CRACDL: variants seen among roughly 807,000 people sequenced by gnomAD.
CRACDL encodes CRACD-like protein.
Under a neutral mutation model 70.6 loss-of-function variants are expected in CRACDL, and 26 were observed. The ratio of observed to expected loss-of-function variants is 0.37; its 90% CI spans 0.27 to 0.51. CRACDL has a LOEUF of 0.51. Ranked by LOEUF, CRACDL falls within the 20% of genes least tolerant of loss-of-function variation. The pLI, the probability that CRACDL is intolerant of heterozygous loss-of-function variation, is 0.94. For synonymous variants in CRACDL, 618 were observed against 615.2 expected, an observed-to-expected ratio of 1.00 and a Z score of -0.07; for missense variants, 1,283 against 1,376.9, an observed-to-expected ratio of 0.93 and a Z score of 1.08.
At chr2:98,807,946 G>C (rs555206321) in intron 7 of CRACDL, among the ~76,000 whole-genome samples, 62 of 152,278 alleles carry the variant, frequency 4.1e-4, no homozygotes, top group Non-Finnish European at 7.9e-4. Context: ...TGACAGCCCT[G>C]AAACAGTGCT....
At chr2:98,868,078 T>A (rs1394075387) in intron 1 of CRACDL, among the ~76,000 whole-genome samples, 1 of 152,238 alleles carries the variant, frequency 6.6e-6, no homozygotes, top group African/African-American at 2.4e-5. Context: ...GTTTCATTCT[T>A]AGTAAAAAGA....
In CRACDL at chr2:98,822,943, G is replaced by C; in HGVS notation, c.1330C>G (p.Pro444Ala). The C allele has an allele frequency of 1.4e-6, 2 of 1,460,922 alleles. No individual in the cohort carries two copies. Among genetic ancestry groups the C allele is most frequent in the Non-Finnish European group, 1.8e-6 (2 of 1,111,982 alleles). 90.5% of individuals were successfully genotyped at this position (1,460,922 alleles called of 1,614,324 possible). The change falls in exon 7 of 10, where the codon CCC becomes GCC. Residue 444 changes from proline (P) to alanine (A), a missense_variant. By Grantham distance (27) the Pro-to-Ala change is conservative. Transcript: ENST00000397899. This position sits in a 1 kb window ranked among gnomAD's most constrained non-coding sequence, Gnocchi z 4.9. ...SVPKEAEPTP[P>A]VLPDEEKGPP... is the part of the protein sequence containing the mutation. Reference sequence around the variant, plus strand: ...CCCTTCTCCTCATCCGGGAGCACGGGCGGCGTCGGCTCCGCTTCCTTCGGG... The same window carrying C: ...CCCTTCTCCTCATCCGGGAGCACGGCCGGCGTCGGCTCCGCTTCCTTCGGG...
chr2:98,881,229 C>T (rs1558620633), intron 1 of CRACDL, among the ~76,000 whole-genome samples: 1 of 152,210 alleles, frequency 6.6e-6, no homozygotes, highest in Non-Finnish European at 1.5e-5. Context: ...TCAGAAGCCT[C>T]ACGGAGGGAA....
chr2:98,890,536 G>A (rs1469668868), intron 1 of CRACDL, among the ~76,000 whole-genome samples: 1 of 152,232 alleles, frequency 6.6e-6, no homozygotes, highest in Non-Finnish European at 1.5e-5. Context: ...CAAGGCTCAG[G>A]TGGCTTCTAC....
intron 1 of CRACDL, among the ~76,000 whole-genome samples, chr2:98,871,877 A>G (rs1707357952): frequency 6.6e-6 from 1 of 152,246 alleles, no homozygotes; most frequent in African/African-American, 2.4e-5. Flanking sequence ...CAGCTATGAC[A>G]GACTGCTAAG....
In CRACDL at chr2:98,890,481, G is replaced by C. The variant is rs551564467; in HGVS notation, c.-10-43671C>G. Among the ~76,000 whole-genome samples, 4 of 152,246 alleles carry C rather than the reference G, an allele frequency of 2.6e-5. No individual in the cohort carries two copies. The South Asian group carries it at 8.3e-4, about 32-fold the overall frequency. Reference sequence around the variant, plus strand: ...AAATTATGAATGGACCAAAACAACCGAAGAGATTGAATTAAGACTTTTAAA... The same window carrying C: ...AAATTATGAATGGACCAAAACAACCCAAGAGATTGAATTAAGACTTTTAAA... On this transcript the variant is annotated intron_variant, in intron 1 of 9. Coordinates refer to ENST00000397899, the MANE Select transcript of CRACDL (RefSeq NM_207362.3).
intron 1 of CRACDL, among the ~76,000 whole-genome samples, chr2:98,916,153 T>A (rs1708660336): frequency 6.6e-6 from 1 of 152,210 alleles, no homozygotes; most frequent in South Asian, 2.1e-4. Context: ...GCCCACACAA[T>A]GTAATACTTC....
At chr2:98,915,406 G>A (rs1324187697) in intron 1 of CRACDL, among the ~76,000 whole-genome samples, 1 of 152,232 alleles carries the variant, frequency 6.6e-6, no homozygotes, top group Non-Finnish European at 1.5e-5. Flanking sequence ...GTGGGGCAAG[G>A]CACAGGGCAG....
intron 7 of CRACDL, among the ~76,000 whole-genome samples, chr2:98,818,433 G>C (rs1329220199): frequency 6.6e-6 from 1 of 152,126 alleles, no homozygotes; most frequent in Admixed American, 6.5e-5. Flanking sequence ...CAGGTGCTGG[G>C]GACAAAGCAG....
chr2:98,821,922 G>C lies in CRACDL; in HGVS notation c.2351C>G (p.Pro784Arg). ...CTCCTTCCTGGGTTCCCGCTCTCCC[G>C]GGCCGGCGTCGGGGGGCGCGGGCTG... ...PHQPAPPDAGPGEREPRKEPR... is the reference protein window; with the variant it reads ...PHQPAPPDAGRGEREPRKEPR... Residue 784 changes from proline to arginine, a missense_variant, in exon 7 of 10, where the codon CCG becomes CGG. Physicochemically the swap from Pro to Arg is moderately radical, Grantham distance 103. Transcript: ENST00000397899. 3 of 1,589,000 alleles carry C rather than the reference G, an allele frequency of 1.9e-6. No individual in the cohort carries two copies. Among genetic ancestry groups the C allele is most frequent in the Non-Finnish European group, 2.6e-6 (3 of 1,172,084 alleles).
At chr2:98,802,256 T>C (rs1704111805) in intron 7 of CRACDL, among the ~76,000 whole-genome samples, 1 of 152,376 alleles carries the variant, frequency 6.6e-6, no homozygotes, top group South Asian at 2.1e-4. Context: ...GCCACACCAG[T>C]GTGCACCGCA....
At chr2:98,913,934 G>A (rs531442422) in intron 1 of CRACDL, among the ~76,000 whole-genome samples, 2 of 152,366 alleles carry the variant, frequency 1.3e-5, no homozygotes, top group South Asian at 4.1e-4. Context: ...CCAACTCCAT[G>A]GTTTACGCTT....
At chr2:98,831,550 T>C (rs1225823983) in intron 5 of CRACDL, among the ~76,000 whole-genome samples, 5 of 152,216 alleles carry the variant, frequency 3.3e-5, no homozygotes, top group African/African-American at 1.2e-4. Context: ...GCATAACAGA[T>C]AACTCCAACT....
intron 1 of CRACDL, among the ~76,000 whole-genome samples, chr2:98,921,217 A>T (rs1218639921): frequency 6.6e-6 from 1 of 152,228 alleles, no homozygotes; most frequent in Non-Finnish European, 1.5e-5. Flanking sequence ...GTCACAGAGC[A>T]GATTCACCTG....
At chr2:98,816,665 C>T (rs1704794782) in intron 7 of CRACDL, among the ~76,000 whole-genome samples, 1 of 152,018 alleles carries the variant, frequency 6.6e-6, no homozygotes, top group South Asian at 2.1e-4. Flanking sequence ...GAGGAGAGGT[C>T]GCTTTGTACT....
intron 1 of CRACDL, among the ~76,000 whole-genome samples, chr2:98,929,569 G>A (rs1473949978): frequency 1.3e-5 from 2 of 152,100 alleles, no homozygotes; most frequent in Non-Finnish European, 2.9e-5. Flanking sequence ...TGAAGTGAGT[G>A]TAAGCAAAGC....
intron 3 of CRACDL, among the ~76,000 whole-genome samples, chr2:98,837,413 T>A (rs1253654103): frequency 6.6e-6 from 1 of 151,818 alleles, no homozygotes; most frequent in Admixed American, 6.6e-5. Flanking sequence ...AGGGATATTA[T>A]GTTCTCTGAA....
chr2:98,916,361 G>T (rs1318902090), intron 1 of CRACDL, among the ~76,000 whole-genome samples: 1 of 152,202 alleles, frequency 6.6e-6, no homozygotes, highest in Non-Finnish European at 1.5e-5. Flanking sequence ...TTATGGACGT[G>T]CATGAGGAAT....
At chr2:98,870,526 G>A (rs988502227) in intron 1 of CRACDL, among the ~76,000 whole-genome samples, 3 of 152,132 alleles carry the variant, frequency 2.0e-5, no homozygotes, top group Non-Finnish European at 4.4e-5. Context: ...CTTCTCCCAG[G>A]GAGAGGGCCA....
Sources: gnomAD v4.1 joint callset for allele counts (sites outside exome capture counted in the v4.1 genomes callset) on GRCh38, gnomAD v4.1.1 for gene constraint, Gnocchi (gnomAD v3.1) non-coding constraint, MANE v1.5 for transcripts, NCBI Gene and HGNC (gene_info 2026-07-23, HGNC 2026-07-21) for gene names.